ARHGAP8: variants seen among roughly 807,000 people sequenced by gnomAD.
The protein encoded by ARHGAP8 is Rho GTPase activating protein 8, also known as rho GTPase-activating protein 8.
ARHGAP8 carries 62 observed loss-of-function variants against 46.1 expected under a neutral mutation model. The observed-to-expected ratio is 1.34, with a 90% confidence interval of 1.10 to 1.66. The LOEUF (loss-of-function observed/expected upper bound fraction) is 1.66. Among genes scored for constraint, ARHGAP8 ranks in the 40% most tolerant of loss-of-function variants. The pLI, the probability that ARHGAP8 is intolerant of heterozygous loss-of-function variation, is 0.00. For synonymous variants in ARHGAP8, 375 were observed against 243.1 expected, an observed-to-expected ratio of 1.54 and a Z score of -5.05; for missense variants, 923 against 568.4, an observed-to-expected ratio of 1.62 and a Z score of -6.34.
chr22:44,787,078 G>C (rs867167769), intron 2 of ARHGAP8, among the ~76,000 whole-genome samples: 38 of 151,424 alleles, frequency 2.5e-4, no homozygotes, highest in Middle Eastern at 6.8e-3. Flanking sequence ...ATTGGAAAAG[G>C]AGGGCCTGCT....
chr22:44,860,276 A>C (rs9614956), intron 11 of ARHGAP8, among the ~76,000 whole-genome samples: 18,827 of 152,084 alleles, frequency 0.12, 1,254 homozygotes, highest in African/African-American at 0.15. Context: ...GGTGCCTTAA[A>C]ACAGATTTAC....
At chr22:44,804,475 CTGAT>C (rs1928796656) in intron 3 of ARHGAP8, among the ~76,000 whole-genome samples, 1 of 152,204 alleles carries the variant, frequency 6.6e-6, no homozygotes, top group African/African-American at 2.4e-5. Flanking sequence ...CGACAATGAA[CTGAT>C]TGAGCTTCAT....
In ARHGAP8 at chr22:44,862,501, C is replaced by G. The variant is rs367662795; in HGVS notation, c.1208C>G (p.Pro403Arg). ...TGGGAACAGGGGAGCAGGGCAGCCCCTTTGCAGGAGGCTGTGCCACGGACA... is the reference window on the plus strand; with the variant it reads ...TGGGAACAGGGGAGCAGGGCAGCCCGTTTGCAGGAGGCTGTGCCACGGACA... Reference protein sequence around the residue: ...APWEQGSRAAPLQEAVPRTQA... With the variant: ...APWEQGSRAARLQEAVPRTQA... The change falls in exon 12 of 12, where the codon CCT becomes CGT. Residue 403 changes from proline to arginine, a missense_variant. Physicochemically the swap from Pro to Arg is moderately radical, Grantham distance 103. Coordinates refer to ENST00000356099, the MANE Select transcript of ARHGAP8 (RefSeq NM_181335.3). 24 of 1,613,560 alleles carry G rather than the reference C, an allele frequency of 1.5e-5. No individual in the cohort carries two copies. The highest frequency in any genetic ancestry group is 1.9e-5 in the Non-Finnish European group (23 of 1,179,606).
chr22:44,794,476 C>T (rs530140047), intron 2 of ARHGAP8, among the ~76,000 whole-genome samples: 1 of 152,012 alleles, frequency 6.6e-6, no homozygotes, highest in African/African-American at 2.4e-5. Context: ...TTTGGGAGGC[C>T]GAGGCAGGCA....
At chr22:44,785,169 GA>G (rs1348284409) in intron 1 of ARHGAP8, among the ~76,000 whole-genome samples, 1 of 152,136 alleles carries the variant, frequency 6.6e-6, no homozygotes, top group African/African-American at 2.4e-5. Flanking sequence ...CTTTGCATCA[GA>G]ATCACCTCCA....
At chr22:44,799,957 A>T (rs1243590880) in intron 2 of ARHGAP8, among the ~76,000 whole-genome samples, 1 of 108,306 alleles carries the variant, frequency 9.2e-6, no homozygotes, top group Non-Finnish European at 1.9e-5. Context: ...TGAGGTCTCC[A>T]ACCTCTTCTG....
chr22:44,789,740 A>G (rs761118720), intron 2 of ARHGAP8, among the ~76,000 whole-genome samples: 4 of 152,040 alleles, frequency 2.6e-5, no homozygotes, highest in Non-Finnish European at 5.9e-5. Flanking sequence ...GGCTGAAGCA[A>G]TCGGCCTGTC....
At chr22:44,815,482 C>T (rs1929671355) in intron 5 of ARHGAP8, among the ~76,000 whole-genome samples, 1 of 152,012 alleles carries the variant, frequency 6.6e-6, no homozygotes, top group African/African-American at 2.4e-5. Context: ...AAAGACATTA[C>T]CAGGCCGACT....
intron 2 of ARHGAP8, 67 bp downstream of exon 2, chr22:44,786,673 G>A: frequency 1.3e-6 from 2 of 1,545,002 alleles, no homozygotes; most frequent in Non-Finnish European, 1.7e-6. Context: ...CAACTTTGAG[G>A]CAAAGTGGGC....
chr22:44,862,528 A>C lies in ARHGAP8; in HGVS notation c.1235A>C (p.Gln412Pro), dbSNP rs201933315. Residue 412 changes from glutamine to proline, a missense_variant, in exon 12 of 12, where the codon CAA (glutamine) becomes CCA (proline). Transcript: ENST00000356099. ...TTGCAGGAGGCTGTGCCACGGACAC[A>C]AGCCACGGGCCTCACCAAGCCTACC... ...APLQEAVPRT[Q>P]ATGLTKPTLP... The C allele has an allele frequency of 1.5e-5, 24 of 1,611,412 alleles. No individual in the cohort carries two copies. The highest frequency in any genetic ancestry group is 2.0e-5 in the Non-Finnish European group (24 of 1,178,010).
intron 11 of ARHGAP8, 79 bp from the exon 12 acceptor site, chr22:44,862,195 TC>T (rs1190089996): frequency 2.0e-5 from 30 of 1,508,714 alleles, no homozygotes; most frequent in South Asian, 1.3e-4. Flanking sequence ...CCTACGCCTC[TC>T]CCTAAGTTCG....
At chr22:44,830,593 A>G (rs1024460900) in intron 7 of ARHGAP8, among the ~76,000 whole-genome samples, 3 of 151,068 alleles carry the variant, frequency 2.0e-5, no homozygotes, top group African/African-American at 2.4e-5. Context: ...CTGGAGTGCA[A>G]TGACACGATC....
At chr22:44,816,014 C>T (rs1244575631) in intron 5 of ARHGAP8, among the ~76,000 whole-genome samples, 1 of 151,994 alleles carries the variant, frequency 6.6e-6, no homozygotes, top group African/African-American at 2.4e-5. Flanking sequence ...TGTGAGAGGG[C>T]GGGAGGACTC....
At chr22:44,802,023 G>C in intron 2 of ARHGAP8, 54 bp from the exon 3 acceptor site, 7 of 1,605,856 alleles carry the variant, frequency 4.4e-6, no homozygotes, top group Non-Finnish European at 6.0e-6. Flanking sequence ...CTAAGTGCCT[G>C]AGGATTTTCT....
At chr22:44,804,913 G>GTGC (rs1928828504) in intron 3 of ARHGAP8, among the ~76,000 whole-genome samples, 2 of 152,202 alleles carry the variant, frequency 1.3e-5, no homozygotes, top group African/African-American at 2.4e-5. Context: ...CAGTGCACCA[G>GTGC]TGCTGCTGCT....
At chr22:44,833,102 T>TTTC (rs781535479) in intron 7 of ARHGAP8, among the ~76,000 whole-genome samples, 3,900 of 146,842 alleles carry the variant, frequency 0.027, 139 homozygotes, top group African/African-American at 0.089. Context: ...TTTTCTTTTT[T>TTTC]TTTTTTTTTT....
chr22:44,808,592 C>A (rs1929101507), intron 4 of ARHGAP8, 154 bp downstream of exon 4: 1 of 1,390,360 alleles, frequency 7.2e-7, no homozygotes, highest in Admixed American at 2.0e-5. Context: ...TGGAGGTTCA[C>A]CTCCCCTCTG....
At chr22:44,795,623 G>A (rs575783973) in intron 2 of ARHGAP8, among the ~76,000 whole-genome samples, 7 of 152,230 alleles carry the variant, frequency 4.6e-5, no homozygotes, top group African/African-American at 1.2e-4. Flanking sequence ...CCAGACGAGG[G>A]CGGGAGGCAG....
chr22:44,788,766 T>C (rs973182726), intron 2 of ARHGAP8, among the ~76,000 whole-genome samples: 1 of 152,266 alleles, frequency 6.6e-6, no homozygotes, highest in Non-Finnish European at 1.5e-5. Flanking sequence ...TAAATATATA[T>C]GGATACAATC....
Sources: gnomAD v4.1 joint callset for allele counts (sites outside exome capture counted in the v4.1 genomes callset) on GRCh38, gnomAD v4.1.1 for gene constraint, MANE v1.5 for transcripts, NCBI Gene and HGNC (gene_info 2026-07-23, HGNC 2026-07-21) for gene names.